Variants in PLPBP observed in about 807,000 individuals in gnomAD.
The protein encoded by PLPBP is pyridoxal phosphate homeostasis protein.
Under a neutral mutation model 31.2 loss-of-function variants are expected in PLPBP, and 21 were observed. That is an observed-to-expected ratio of 0.67 (90% CI 0.48 to 0.97). The LOEUF is 0.97. Ranked by LOEUF, PLPBP falls within the 50% of genes least tolerant of loss-of-function variation. The probability of loss-of-function intolerance (pLI) is 0.00; values close to 1 mark genes in which losing one functional copy is unlikely to be tolerated. For synonymous variants in PLPBP, 124 were observed against 135.6 expected, an observed-to-expected ratio of 0.91 and a Z score of 0.59; for missense variants, 308 against 354.4, an observed-to-expected ratio of 0.87 and a Z score of 1.05.
In PLPBP at chr8:37,775,498, G is replaced by T; in HGVS notation, c.597+17G>T. ...GACTTCCAGGTACTGGGGGGTCGGGGAGATTGCTCGTGTGCTAAAGAAGCA... is the reference window on the plus strand; with the variant it reads ...GACTTCCAGGTACTGGGGGGTCGGGTAGATTGCTCGTGTGCTAAAGAAGCA... On this transcript the variant is annotated intron_variant, in intron 6 of 7. Coordinates refer to ENST00000328195, the MANE Select transcript of PLPBP (RefSeq NM_007198.4). 2 of 1,613,160 alleles carry T rather than the reference G, an allele frequency of 1.2e-6. No individual in the cohort carries two copies. Among genetic ancestry groups the T allele is most frequent in the Non-Finnish European group, 1.7e-6 (2 of 1,179,946 alleles).
rs1047958432 is a variant in PLPBP at position 37,779,300 on chromosome 8, C to G, written c.*1196C>G. The stretch of plus-strand genomic sequence containing the variant: ...AGTGAATCTCATTACTCCTAAGAAA[C>G]GAAAGATTCCTTCAAAGCCTTTTCA... On this transcript the variant is annotated 3_prime_UTR_variant, in exon 8 of 8. Coordinates refer to ENST00000328195, the MANE Select transcript of PLPBP (RefSeq NM_007198.4). 6.6e-6 allele frequency: 1 copy of G among 152,078 alleles called. No homozygotes were observed. The highest frequency in any genetic ancestry group is 1.5e-5 in the Non-Finnish European group (1 of 68,028). The allele number at this position is 152,078 out of a possible 1,614,324, so 9.4% of individuals were successfully genotyped here. A position where few individuals can be genotyped will look rare whatever the true frequency, so the allele number is the denominator to read the frequency against.
intron 1 of PLPBP, among the ~76,000 whole-genome samples, chr8:37,764,071 C>CTTTTTTTTTTTTTTTTT (rs111913973): frequency 7.9e-6 from 1 of 126,896 alleles, no homozygotes; most frequent in African/African-American, 2.9e-5. Context: ...TCTTTTCTTT[C>CTTTTTTTTTTTTTTTTT]TTTTTTTTTT....
At chr8:37,776,865 C>T (rs1413724239) in intron 7 of PLPBP, among the ~76,000 whole-genome samples, 1 of 152,126 alleles carries the variant, frequency 6.6e-6, no homozygotes, top group South Asian at 2.1e-4. Flanking sequence ...CTCCCAGGTT[C>T]AAGTGATTCT....
chr8:37,777,248 C>A (rs146358014), intron 7 of PLPBP, among the ~76,000 whole-genome samples: 180 of 152,290 alleles, frequency 1.2e-3, no homozygotes, highest in Middle Eastern at 6.8e-3. Context: ...AATTGTATTT[C>A]TTAAAACAGT....
At chr8:37,763,842 A>G (rs1054641929) in intron 1 of PLPBP, among the ~76,000 whole-genome samples, 4 of 152,224 alleles carry the variant, frequency 2.6e-5, no homozygotes, top group Non-Finnish European at 5.9e-5. Context: ...GTCCTTGAGA[A>G]CACTGTGATT....
rs955616927 is a variant in PLPBP, at chr8:37,777,379, G to A, written c.697-594G>A. On this transcript the variant is annotated intron_variant, in intron 7 of 7. Coordinates refer to ENST00000328195, the MANE Select transcript of PLPBP (RefSeq NM_007198.4). ...TAGGTGGGCTGTGCTGTGTGGCTGC[G>A]TCTCACACTGGACGTCTAATGTCCT... Among the ~76,000 whole-genome samples, 6 of 152,176 alleles carry A rather than the reference G, an allele frequency of 3.9e-5. No homozygotes were observed. In the East Asian group the frequency reaches 5.8e-4, roughly 15 times the overall value.
intron 1 of PLPBP, among the ~76,000 whole-genome samples, chr8:37,763,160 C>T (rs991145117): frequency 6.6e-6 from 1 of 152,132 alleles, no homozygotes; most frequent in African/African-American, 2.4e-5. Flanking sequence ...GCGTGTGTGG[C>T]AGCGTCTCAC....
intron 5 of PLPBP, among the ~76,000 whole-genome samples, chr8:37,774,475 A>G (rs1803852230): frequency 6.6e-6 from 1 of 152,236 alleles, no homozygotes; most frequent in Non-Finnish European, 1.5e-5. Flanking sequence ...ATGATAATCC[A>G]GGCAACATTG....
At chr8:37,763,947 G>A (rs1418038254) in intron 1 of PLPBP, among the ~76,000 whole-genome samples, 5 of 152,166 alleles carry the variant, frequency 3.3e-5, no homozygotes, top group Admixed American at 3.3e-4. Flanking sequence ...GGATTGGGTG[G>A]CAGCAGAACG....
chr8:37,766,254 A>G (rs1233540099), intron 3 of PLPBP, 26 bp from the exon 4 acceptor site: 3 of 1,580,554 alleles, frequency 1.9e-6, no homozygotes, highest in Middle Eastern at 1.7e-4. Context: ...AATCTGAATT[A>G]CACATGGTTA....
At chr8:37,769,746 T>C (rs1486749910) in intron 4 of PLPBP, among the ~76,000 whole-genome samples, 1 of 152,010 alleles carries the variant, frequency 6.6e-6, no homozygotes. Flanking sequence ...TGGAAAAACA[T>C]AAAGATTCCA....
chr8:37,766,389 T>G, intron 4 of PLPBP, 34 bp downstream of exon 4: 1 of 1,575,628 alleles, frequency 6.3e-7, no homozygotes, highest in Non-Finnish European at 8.7e-7. Context: ...ACAAAATTGT[T>G]CTGTCATTGT....
At chr8:37,776,824 T>C (rs1803926054) in intron 7 of PLPBP, among the ~76,000 whole-genome samples, 1 of 152,142 alleles carries the variant, frequency 6.6e-6, no homozygotes, top group Non-Finnish European at 1.5e-5. Flanking sequence ...CGGAGTGCAG[T>C]GGCGCGATCT....
intron 4 of PLPBP, among the ~76,000 whole-genome samples, chr8:37,769,930 C>A (rs1803726658): frequency 6.6e-6 from 1 of 152,010 alleles, no homozygotes; most frequent in African/African-American, 2.4e-5. Flanking sequence ...TAAACTTCAC[C>A]AAAGAAGTGA....
chr8:37,769,734 C>T (rs1803723483), intron 4 of PLPBP, among the ~76,000 whole-genome samples: 1 of 152,090 alleles, frequency 6.6e-6, no homozygotes, highest in South Asian at 2.1e-4. Flanking sequence ...ACCGTAGAGT[C>T]TTGGAAAAAC....
chr8:37,773,422 G>A (rs368074628), intron 5 of PLPBP, among the ~76,000 whole-genome samples: 10 of 150,572 alleles, frequency 6.6e-5, no homozygotes, highest in South Asian at 2.1e-4. Flanking sequence ...CACCCATCTC[G>A]GCCTCCCAAA....
chr8:37,764,071 CTT>C (rs111913973), intron 1 of PLPBP, among the ~76,000 whole-genome samples: 31 of 126,872 alleles, frequency 2.4e-4, no homozygotes, highest in Admixed American at 2.3e-4. Flanking sequence ...TCTTTTCTTT[CTT>C]TTTTTTTTTT....
intron 4 of PLPBP, among the ~76,000 whole-genome samples, chr8:37,769,237 G>A (rs1803713446): frequency 1.3e-5 from 2 of 152,100 alleles, no homozygotes; most frequent in African/African-American, 4.8e-5. Flanking sequence ...CTGGGAGGCT[G>A]AGGTAGGACG....
intron 7 of PLPBP, 45 bp from the exon 8 acceptor site, chr8:37,777,925 TTTA>T: frequency 6.4e-7 from 1 of 1,567,416 alleles, no homozygotes; most frequent in Non-Finnish European, 8.7e-7. Context: ...CTGGCTCCAT[TTTA>T]TTATTTTAAA....
Sources: gnomAD v4.1 joint callset for allele counts (sites outside exome capture counted in the v4.1 genomes callset) on GRCh38, gnomAD v4.1.1 for gene constraint, MANE v1.5 for transcripts, NCBI Gene and HGNC (gene_info 2026-07-23, HGNC 2026-07-21) for gene names.